SPOCK1: variants seen among roughly 807,000 people sequenced by gnomAD.
SPOCK1 encodes SPARC (osteonectin), cwcv and kazal like domains proteoglycan 1, also known as testican-1.
In SPOCK1, 23 loss-of-function variants were observed where a neutral mutation model predicts 55.3. That is an observed-to-expected ratio of 0.42 (90% CI 0.30 to 0.59). The LOEUF (loss-of-function observed/expected upper bound fraction) is 0.59. SPOCK1 is among the 20% of genes least tolerant of loss of function. The pLI is 0.22. For missense variants in SPOCK1, 499 were observed against 552.5 expected, an observed-to-expected ratio of 0.90 and a Z score of 0.97; for synonymous variants, 226 against 221.0, an observed-to-expected ratio of 1.02 and a Z score of -0.20.
chr5:137,257,365 T>A (rs186067010), intron 3 of SPOCK1, among the ~76,000 whole-genome samples: 1 of 152,170 alleles, frequency 6.6e-6, no homozygotes, highest in African/African-American at 2.4e-5. Context: ...TGGGTGGTGA[T>A]TAGGTCATGA....
At chr5:137,100,739 AGGTTT>A (rs1753245148) in intron 5 of SPOCK1, among the ~76,000 whole-genome samples, 2 of 152,108 alleles carry the variant, frequency 1.3e-5, no homozygotes, top group African/African-American at 4.8e-5. Context: ...CTGCTACTGG[AGGTTT>A]GCTGTTCTGA....
At chr5:137,006,611 G>A (rs538848680) in intron 6 of SPOCK1, among the ~76,000 whole-genome samples, 14 of 152,256 alleles carry the variant, frequency 9.2e-5, no homozygotes, top group African/African-American at 3.4e-4. Flanking sequence ...AGATGATGGG[G>A]TTTTCTAAAT....
At chr5:137,159,391 C>T (rs990854488) in intron 3 of SPOCK1, among the ~76,000 whole-genome samples, 3 of 152,126 alleles carry the variant, frequency 2.0e-5, no homozygotes, top group Non-Finnish European at 4.4e-5. Context: ...AAAAACCTAA[C>T]GTTTTCTGGG....
At chr5:137,009,924 GT>G (rs1316572483) in intron 6 of SPOCK1, among the ~76,000 whole-genome samples, 1 of 152,078 alleles carries the variant, frequency 6.6e-6, no homozygotes, top group Non-Finnish European at 1.5e-5. Context: ...CACTGAGTTG[GT>G]GGAATTTTAA....
chr5:137,432,354 C>A (rs1218040409), intron 2 of SPOCK1, among the ~76,000 whole-genome samples: 2 of 152,152 alleles, frequency 1.3e-5, no homozygotes, highest in African/African-American at 4.8e-5. Flanking sequence ...AGAAACAACC[C>A]AAGTGTCCAC....
At chr5:136,991,181 C>T (rs1435711851) in intron 7 of SPOCK1, among the ~76,000 whole-genome samples, 1 of 150,760 alleles carries the variant, frequency 6.6e-6, no homozygotes, top group African/African-American at 2.5e-5. Flanking sequence ...GCTCTCCTCA[C>T]ATCAATCTGC....
chr5:137,185,944 C>T (rs553874909), intron 3 of SPOCK1, among the ~76,000 whole-genome samples: 5 of 152,238 alleles, frequency 3.3e-5, no homozygotes, highest in South Asian at 2.1e-4. Context: ...CCATGAGAAA[C>T]GAAGTCTTCT....
At chr5:137,040,754 C>G (rs1751979858) in intron 6 of SPOCK1, among the ~76,000 whole-genome samples, 1 of 152,194 alleles carries the variant, frequency 6.6e-6, no homozygotes, top group South Asian at 2.1e-4. Context: ...TAATCATCAG[C>G]ACTAGGAATC....
intron 2 of SPOCK1, among the ~76,000 whole-genome samples, chr5:137,301,903 G>A (rs1219571395): frequency 6.6e-6 from 1 of 152,096 alleles, no homozygotes; most frequent in East Asian, 1.9e-4. Flanking sequence ...TAAATACTGG[G>A]AGGATGGCAA....
chr5:137,139,932 AGAT>A (rs1205419096), intron 4 of SPOCK1, among the ~76,000 whole-genome samples: 1 of 152,244 alleles, frequency 6.6e-6, no homozygotes, highest in African/African-American at 2.4e-5. Context: ...TCCACTGGAT[AGAT>A]GATGCTGGGA....
intron 1 of SPOCK1, 41 bp from the exon 2 acceptor site, chr5:137,498,599 G>C: frequency 7.8e-7 from 1 of 1,282,442 alleles, no homozygotes; most frequent in Non-Finnish European, 9.8e-7. Flanking sequence ...GAAGAGGGCG[G>C]GCGGCCGCGA....
intron 2 of SPOCK1, among the ~76,000 whole-genome samples, chr5:137,348,943 C>T (rs191139534): frequency 5.3e-5 from 8 of 152,264 alleles, no homozygotes; most frequent in South Asian, 4.2e-4. Flanking sequence ...TGCCCTAAGC[C>T]GTCCAACAAG....
chr5:137,220,855 G>A (rs1349208633), intron 3 of SPOCK1, among the ~76,000 whole-genome samples: 1 of 152,174 alleles, frequency 6.6e-6, no homozygotes, highest in Non-Finnish European at 1.5e-5. Context: ...TGGTTCCAGA[G>A]CAGAAAATGT....
chr5:137,422,150 T>C (rs1334333405), intron 2 of SPOCK1, among the ~76,000 whole-genome samples: 8 of 152,354 alleles, frequency 5.3e-5, no homozygotes, highest in Admixed American at 4.6e-4. Context: ...GCTTATAGAG[T>C]TTCTGCCGAG....
intron 2 of SPOCK1, among the ~76,000 whole-genome samples, chr5:137,272,592 T>C (rs1455009210): frequency 2.0e-5 from 3 of 152,178 alleles, no homozygotes. Context: ...AGAATCCTTC[T>C]GAATGAAGTG....
At chr5:137,410,790 A>G (rs956543257) in intron 2 of SPOCK1, among the ~76,000 whole-genome samples, 13 of 152,330 alleles carry the variant, frequency 8.5e-5, no homozygotes, top group Middle Eastern at 3.4e-3. Context: ...GAGACATCCC[A>G]TGCACAAAGG....
At chr5:137,423,489 G>C (rs1029896607) in intron 2 of SPOCK1, among the ~76,000 whole-genome samples, 1 of 152,198 alleles carries the variant, frequency 6.6e-6, no homozygotes, top group Non-Finnish European at 1.5e-5. Flanking sequence ...AATGGCGGGT[G>C]CTTCTCCCCC....
intron 2 of SPOCK1, among the ~76,000 whole-genome samples, chr5:137,442,018 T>A (rs1431675159): frequency 6.6e-6 from 1 of 152,122 alleles, no homozygotes; most frequent in African/African-American, 2.4e-5. Flanking sequence ...ACAACCTCCT[T>A]CCACTTCTAA....
intron 2 of SPOCK1, among the ~76,000 whole-genome samples, chr5:137,437,139 C>G (rs1263846543): frequency 6.6e-6 from 1 of 152,186 alleles, no homozygotes; most frequent in Non-Finnish European, 1.5e-5. Flanking sequence ...ACAACTACCT[C>G]TGATAGTTCT....
Sources: allele counts gnomAD v4.1 joint callset (sites outside exome capture counted in the v4.1 genomes callset), GRCh38; gene constraint gnomAD v4.1.1; transcripts MANE v1.5; gene names NCBI Gene and HGNC (gene_info 2026-07-23, HGNC 2026-07-21).